CPQ: variants seen among roughly 807,000 people sequenced by gnomAD.
CPQ encodes the protein Ser-Met dipeptidase.
CPQ carries 37 observed loss-of-function variants against 45.7 expected under a neutral mutation model. The observed-to-expected ratio is 0.81, with a 90% CI of 0.62 to 1.07. The LOEUF (loss-of-function observed/expected upper bound fraction) is 1.07, where lower values mean the gene tolerates loss of function less well. CPQ is among the 50% of genes least tolerant of loss of function. CPQ has a pLI of 0.00. For missense variants in CPQ, 537 were observed against 572.9 expected (o/e 0.94, Z 0.64); for synonymous variants, 186 against 205.8 (o/e 0.90, Z 0.82).
intron 5 of CPQ, among the ~76,000 whole-genome samples, chr8:96,971,974 G>T (rs967622732): frequency 2.0e-5 from 3 of 152,170 alleles, no homozygotes; most frequent in Non-Finnish European, 4.4e-5. Flanking sequence ...ACTACCTCAA[G>T]AACATATCAG....
At position 96,767,979 on chromosome 8, in the gene CPQ, C is replaced by T. The variant is rs534247124; in HGVS notation, c.-34-16885C>T. 1.1e-3 allele frequency among the ~76,000 whole-genome samples: 169 copies of T among 152,132 alleles called. 2 individuals carry two copies. Among genetic ancestry groups the T allele is most frequent in the African/African-American group, 3.9e-3 (161 of 41,520 alleles). ...TTATACTAGTTCTTTCCTCCCTTCT[C>T]ACCTCCAGCCTGGGATGTGGTCTCC... On this transcript the variant is annotated intron_variant, in intron 1 of 7. Coordinates refer to ENST00000220763, the MANE Select transcript of CPQ (RefSeq NM_016134.4).
intron 4 of CPQ, among the ~76,000 whole-genome samples, chr8:96,926,582 T>TCTTCC (rs1563530814): frequency 8.4e-4 from 76 of 90,642 alleles, no homozygotes; most frequent in Middle Eastern, 0.01. Context: ...CTTCCTCTTC[T>TCTTCC]TCTTCTTCTT....
chr8:96,829,711 C>T (rs907569590), intron 2 of CPQ, among the ~76,000 whole-genome samples: 1 of 152,032 alleles, frequency 6.6e-6, no homozygotes, highest in African/African-American at 2.4e-5. Context: ...TAGATTTCTT[C>T]CTTTAGTCAG....
intron 7 of CPQ, 81 bp downstream of exon 7, chr8:97,066,291 G>A (rs1810635384): frequency 7.8e-7 from 1 of 1,280,348 alleles, no homozygotes; most frequent in Non-Finnish European, 1.1e-6. Flanking sequence ...AGAGCACAAT[G>A]AATACTAGTA....
intron 1 of CPQ, among the ~76,000 whole-genome samples, chr8:96,662,036 A>T (rs1271770701): frequency 6.6e-6 from 1 of 152,082 alleles, no homozygotes; most frequent in East Asian, 1.9e-4. Context: ...CTTACATATG[A>T]TGTGAAGTAT....
chr8:96,993,261 A>T (rs1809125831), intron 5 of CPQ, among the ~76,000 whole-genome samples: 2 of 152,180 alleles, frequency 1.3e-5, no homozygotes, highest in Admixed American at 1.3e-4. Flanking sequence ...TGCTTCTTGA[A>T]TAAGAGCTGA....
chr8:96,676,293 A>G (rs1809075767), intron 1 of CPQ, among the ~76,000 whole-genome samples: 1 of 152,014 alleles, frequency 6.6e-6, no homozygotes. Context: ...TCTGGTAACC[A>G]TCATTCTACT....
At chr8:96,927,070 G>C (rs1017978721) in intron 4 of CPQ, among the ~76,000 whole-genome samples, 4 of 152,242 alleles carry the variant, frequency 2.6e-5, no homozygotes, top group Admixed American at 1.3e-4. Flanking sequence ...ACTTTGAGAA[G>C]TTTTCTGTTT....
chr8:96,920,552 A>T (rs765726442), intron 4 of CPQ, among the ~76,000 whole-genome samples: 35 of 152,144 alleles, frequency 2.3e-4, no homozygotes, highest in Non-Finnish European at 4.0e-4. Flanking sequence ...ATTAAAGCTC[A>T]TTTAATTGGT....
intron 1 of CPQ, among the ~76,000 whole-genome samples, chr8:96,704,070 C>T (rs1182575008): frequency 1.3e-5 from 2 of 152,172 alleles, no homozygotes; most frequent in African/African-American, 4.8e-5. Context: ...CCTATTATGT[C>T]CCAGGCACTG....
At chr8:97,070,570 T>C (rs373175876) in intron 7 of CPQ, among the ~76,000 whole-genome samples, 52 of 152,246 alleles carry the variant, frequency 3.4e-4, no homozygotes, top group African/African-American at 1.2e-3. Flanking sequence ...TAAAGGATAC[T>C]AAGAGCCAAA....
chr8:96,897,030 C>A (rs939101299), intron 4 of CPQ, among the ~76,000 whole-genome samples: 1 of 152,144 alleles, frequency 6.6e-6, no homozygotes, highest in Non-Finnish European at 1.5e-5. Flanking sequence ...TCTTTCTGCA[C>A]CATGTTATCA....
chr8:96,962,088 T>C (rs1426706496), intron 4 of CPQ, among the ~76,000 whole-genome samples: 1 of 152,158 alleles, frequency 6.6e-6, no homozygotes, highest in East Asian at 1.9e-4. Context: ...TCTGGTTCCT[T>C]CTCCTAGCAG....
chr8:97,046,161 T>G, intron 6 of CPQ, among the ~76,000 whole-genome samples: 1 of 152,240 alleles, frequency 6.6e-6, no homozygotes, highest in Non-Finnish European at 1.5e-5. Context: ...CTTTCTGATT[T>G]CCTTATCAAT....
At chr8:96,675,841 T>A (rs886994548) in intron 1 of CPQ, among the ~76,000 whole-genome samples, 1 of 152,068 alleles carries the variant, frequency 6.6e-6, no homozygotes, top group African/African-American at 2.4e-5. Flanking sequence ...TATATTTTCT[T>A]GCTTTTAGAA....
chr8:96,651,447 TAAGG>T (rs1293269853), intron 1 of CPQ, among the ~76,000 whole-genome samples: 2 of 152,240 alleles, frequency 1.3e-5, no homozygotes, highest in African/African-American at 2.4e-5. Flanking sequence ...ATAATCTTTG[TAAGG>T]AAGAAGAGGT....
At chr8:96,754,357 A>G (rs1249532733) in intron 1 of CPQ, among the ~76,000 whole-genome samples, 1 of 152,068 alleles carries the variant, frequency 6.6e-6, no homozygotes, top group Non-Finnish European at 1.5e-5. Context: ...CACACTCACA[A>G]TAGATTCCAT....
chr8:96,926,260 C>T (rs963347933), intron 4 of CPQ, among the ~76,000 whole-genome samples: 2 of 152,190 alleles, frequency 1.3e-5, no homozygotes, highest in Non-Finnish European at 2.9e-5. Flanking sequence ...AACTTATTCC[C>T]AGTGCAGCCT....
intron 7 of CPQ, among the ~76,000 whole-genome samples, chr8:97,100,306 A>T (rs576677963): frequency 6.6e-6 from 1 of 152,336 alleles, no homozygotes; most frequent in South Asian, 2.1e-4. Flanking sequence ...GTTCACTGAG[A>T]AAAGTGAAGA....
Sources: gnomAD v4.1 joint callset for allele counts (sites outside exome capture counted in the v4.1 genomes callset) on GRCh38, gnomAD v4.1.1 for gene constraint, MANE v1.5 for transcripts, NCBI Gene and HGNC (gene_info 2026-07-23, HGNC 2026-07-21) for gene names.